The following EBF2 variants were observed in gnomAD, a reference collection of about 807,000 sequenced individuals.
EBF2 encodes EBF transcription factor 2, also known as transcription factor COE2.
In EBF2, 21 loss-of-function variants were observed where a neutral mutation model predicts 72.8. The ratio of observed to expected loss-of-function variants is 0.29; its 90% CI spans 0.20 to 0.42. The LOEUF is 0.42. Ranked by LOEUF, EBF2 falls within the 10% of genes least tolerant of loss-of-function variation. The pLI is 1.00. For synonymous variants in EBF2, 299 were observed against 274.2 expected (o/e 1.09, Z -0.89); for missense variants, 637 against 731.2 (o/e 0.87, Z 1.49).
At chr8:25,985,196 C>T (rs1804429214) in intron 6 of EBF2, among the ~76,000 whole-genome samples, 1 of 152,166 alleles carries the variant, frequency 6.6e-6, no homozygotes, top group South Asian at 2.1e-4. Flanking sequence ...CTAGACCTCC[C>T]CTCACTTCTC....
chr8:26,034,405 T>C (rs1038297755), intron 5 of EBF2, among the ~76,000 whole-genome samples: 8 of 152,142 alleles, frequency 5.3e-5, no homozygotes, highest in Non-Finnish European at 8.8e-5. Context: ...TAGAAAGACC[T>C]CAATAAATGC....
chr8:25,900,300 AC>A (rs1049654411), intron 7 of EBF2, among the ~76,000 whole-genome samples: 2 of 152,134 alleles, frequency 1.3e-5, no homozygotes, highest in African/African-American at 4.8e-5. Context: ...TACAAAAAAC[AC>A]AAAAATTAGC....
At chr8:26,011,259 C>T (rs753995418) in intron 6 of EBF2, among the ~76,000 whole-genome samples, 40 of 152,188 alleles carry the variant, frequency 2.6e-4, no homozygotes, top group African/African-American at 8.7e-4. Flanking sequence ...ATACATGATA[C>T]GATTTCTTAT....
At position 25,983,930 on chromosome 8, in the gene EBF2, G is replaced by T. The variant is rs138334736; in HGVS notation, c.551+49155C>A. Among the ~76,000 whole-genome samples, 137 of 152,326 alleles carry T rather than the reference G, an allele frequency of 9.0e-4. 1 individual carries two copies. Among genetic ancestry groups the T allele is most frequent in the African/African-American group, 3.1e-3 (130 of 41,580 alleles). On this transcript the variant is annotated intron_variant, in intron 6 of 15. Coordinates refer to ENST00000520164, the MANE Select transcript of EBF2 (RefSeq NM_022659.4). ...AGATACCCCAAAATAACTGTTCAAT[G>T]ACTGCTTCCCAAAAAATTACAACTA...
intron 11 of EBF2, 101 bp downstream of exon 11, chr8:25,862,608 A>C: frequency 2.6e-6 from 2 of 782,894 alleles, no homozygotes; most frequent in Non-Finnish European, 3.9e-6. Context: ...CCAAATTTCA[A>C]GGCCTAATTA....
rs181707950 is a variant in EBF2 at position 25,890,642 on chromosome 8, G to T, written c.634-773C>A. Among the ~76,000 whole-genome samples, 9 of 152,242 alleles carry T rather than the reference G, an allele frequency of 5.9e-5. No individual in the cohort carries two copies. In the East Asian group the frequency reaches 1.5e-3, roughly 26 times the overall value. Reference sequence around the variant, plus strand: ...TGTGTATCTCACAGTGCTGAAATGAGGTATAATGAGATATAGGCACACATC... The same window carrying T: ...TGTGTATCTCACAGTGCTGAAATGATGTATAATGAGATATAGGCACACATC... On this transcript the variant is annotated intron_variant, in intron 7 of 15. Coordinates refer to ENST00000520164, the MANE Select transcript of EBF2 (RefSeq NM_022659.4).
intron 6 of EBF2, among the ~76,000 whole-genome samples, chr8:25,946,230 T>C (rs543171925): frequency 5.9e-5 from 9 of 152,144 alleles, no homozygotes; most frequent in Non-Finnish European, 1.2e-4. Flanking sequence ...GAAAATCACT[T>C]TGGGAGTGGG....
At chr8:25,877,146 C>T (rs1233767383) in intron 10 of EBF2, among the ~76,000 whole-genome samples, 1 of 152,124 alleles carries the variant, frequency 6.6e-6, no homozygotes, top group Non-Finnish European at 1.5e-5. Flanking sequence ...ACAATTCCAC[C>T]CCTAAATACC....
chr8:25,947,396 T>C (rs1206803718), intron 6 of EBF2, among the ~76,000 whole-genome samples: 1 of 152,222 alleles, frequency 6.6e-6, no homozygotes. Flanking sequence ...ATTAAACCTC[T>C]TTCCTTTACA....
At chr8:25,948,656 A>C (rs1803810544) in intron 6 of EBF2, among the ~76,000 whole-genome samples, 1 of 152,206 alleles carries the variant, frequency 6.6e-6, no homozygotes, top group African/African-American at 2.4e-5. Context: ...GAAATGACAG[A>C]ACAGAACCAT....
At chr8:25,872,446 G>A (rs1347228486) in intron 10 of EBF2, among the ~76,000 whole-genome samples, 2 of 152,074 alleles carry the variant, frequency 1.3e-5, no homozygotes, top group Admixed American at 6.5e-5. Flanking sequence ...ATCTGTAAAT[G>A]GTCATCAGGA....
chr8:26,013,086 G>A (rs1475666020), intron 6 of EBF2, among the ~76,000 whole-genome samples: 2 of 152,138 alleles, frequency 1.3e-5, no homozygotes, highest in Non-Finnish European at 2.9e-5. Context: ...AGTCTGGAAG[G>A]GGGTTAAGAA....
At chr8:25,980,994 C>T (rs1451810288) in intron 6 of EBF2, among the ~76,000 whole-genome samples, 1 of 152,030 alleles carries the variant, frequency 6.6e-6, no homozygotes, top group East Asian at 1.9e-4. Flanking sequence ...AGAACTTCAA[C>T]TACCACACAG....
intron 15 of EBF2, among the ~76,000 whole-genome samples, chr8:25,848,342 G>A (rs189811879): frequency 2.0e-3 from 300 of 152,268 alleles, no homozygotes; most frequent in Non-Finnish European, 2.9e-3. Context: ...TGCTCAGCCC[G>A]AGCATCCTGA....
chr8:26,004,694 A>G (rs1172630291), intron 6 of EBF2, among the ~76,000 whole-genome samples: 1 of 151,346 alleles, frequency 6.6e-6, no homozygotes, highest in Non-Finnish European at 1.5e-5. Flanking sequence ...AAAAAAAAAA[A>G]AAAAAGTAGG....
intron 5 of EBF2, among the ~76,000 whole-genome samples, chr8:26,035,230 C>G (rs1400672171): frequency 6.6e-6 from 1 of 151,800 alleles, no homozygotes; most frequent in Middle Eastern, 3.2e-3. Flanking sequence ...GCAGTCTCAA[C>G]CTTCCAGGTT....
At chr8:25,992,301 T>C (rs1804557068) in intron 6 of EBF2, among the ~76,000 whole-genome samples, 1 of 114,192 alleles carries the variant, frequency 8.8e-6, no homozygotes. Flanking sequence ...GCCATTGCAC[T>C]CCAGCCTGGG....
At chr8:25,970,288 C>A (rs1411667695) in intron 6 of EBF2, among the ~76,000 whole-genome samples, 4 of 152,136 alleles carry the variant, frequency 2.6e-5, no homozygotes, top group Non-Finnish European at 4.4e-5. Context: ...AAAGTCTGTC[C>A]CCTGCTCTTC....
chr8:26,042,176 G>T lies in EBF2; in HGVS notation c.207C>A (p.Phe69Leu), dbSNP rs537378469. 3 of 1,614,088 alleles carry T rather than the reference G, an allele frequency of 1.9e-6. No homozygotes were observed. Among genetic ancestry groups the T allele is most frequent in the Non-Finnish European group, 2.5e-6 (3 of 1,180,044 alleles). The change falls in exon 2 of 16, where the codon TTC (phenylalanine) becomes TTA (leucine). Residue 69 changes from phenylalanine (F) to leucine (L), a missense_variant. Around this residue, in one of 3 missense-constraint regions of EBF2, gnomAD observed 174 missense variants for 161.9 expected, o/e 1.07. Coordinates refer to ENST00000520164, the MANE Select transcript of EBF2 (RefSeq NM_022659.4). ...SNLRKSNFFH[F>L]VLALYDRQGQ... ...CCTGCCTGTCATAGAGCGCCAGGAC[G>T]AAGTGAAAGAAGTTGGATTTCCTCA...
Sources: gnomAD v4.1 joint callset for allele counts (sites outside exome capture counted in the v4.1 genomes callset) on GRCh38, gnomAD v4.1.1 for gene constraint, gnomAD v4.1.1 regional missense constraint, MANE v1.5 for transcripts, NCBI Gene and HGNC (gene_info 2026-07-23, HGNC 2026-07-21) for gene names.